TBC1D15: variants seen among roughly 807,000 people sequenced by gnomAD.
TBC1D15 encodes the protein GAP for RAB7.
TBC1D15 carries 39 observed loss-of-function variants against 95.4 expected under a neutral mutation model. The observed-to-expected ratio is 0.41, with a 90% CI of 0.32 to 0.53. The LOEUF (loss-of-function observed/expected upper bound fraction) is 0.53. Among genes scored for constraint, TBC1D15 ranks in the 20% least tolerant of loss-of-function variants. The probability of loss-of-function intolerance (pLI) is 0.29; values close to 1 mark genes in which losing one functional copy is unlikely to be tolerated. For missense variants in TBC1D15, 733 were observed against 794.3 expected (o/e 0.92, Z 0.93); for synonymous variants, 258 against 261.3 (o/e 0.99, Z 0.12).
chr12:71,843,721 T>G (rs1050684933), intron 1 of TBC1D15, among the ~76,000 whole-genome samples: 1 of 152,122 alleles, frequency 6.6e-6, no homozygotes, highest in African/African-American at 2.4e-5. Flanking sequence ...TGATCATGGT[T>G]CATTGCAGCG....
chr12:71,846,888 G>C (rs1311710157), intron 1 of TBC1D15, among the ~76,000 whole-genome samples: 1 of 151,170 alleles, frequency 6.6e-6, no homozygotes, highest in Non-Finnish European at 1.5e-5. Flanking sequence ...AGCCTCCTGA[G>C]TAGCTGGGAC....
rs545093328 is a variant in TBC1D15, at chr12:71,847,964, G to T, written c.30+8153G>T. 1.3e-4 allele frequency among the ~76,000 whole-genome samples: 19 copies of T among 151,944 alleles called. No individual in the cohort carries two copies. The South Asian group carries it at 4.0e-3, about 32-fold the overall frequency. ...AATACAAAACTAGCTGGGCATGGTGGTGCATGCCTGTAATCCCAGCTACTC... is the reference window on the plus strand; with the variant it reads ...AATACAAAACTAGCTGGGCATGGTGTTGCATGCCTGTAATCCCAGCTACTC... On this transcript the variant is annotated intron_variant, in intron 1 of 16. Transcript: ENST00000485960.
At chr12:71,902,806 A>C (rs1899728868) in intron 10 of TBC1D15, among the ~76,000 whole-genome samples, 1 of 152,234 alleles carries the variant, frequency 6.6e-6, no homozygotes, top group South Asian at 2.1e-4. Flanking sequence ...CAGAATGGGG[A>C]AAACATTTGC....
intron 3 of TBC1D15, among the ~76,000 whole-genome samples, chr12:71,874,935 T>C (rs2138358555): frequency 6.7e-6 from 1 of 148,648 alleles, no homozygotes; most frequent in African/African-American, 2.5e-5. Flanking sequence ...GCCCATGTAG[T>C]TATATGTCTT....
chr12:71,855,881 T>G (rs1179220547), intron 1 of TBC1D15, among the ~76,000 whole-genome samples: 1 of 151,752 alleles, frequency 6.6e-6, no homozygotes, highest in African/African-American at 2.4e-5. Flanking sequence ...ACTGGGTTTT[T>G]AAGAGTTTTG....
chr12:71,907,243 T>A (rs1900944863), intron 11 of TBC1D15, 105 bp downstream of exon 11: 3 of 633,526 alleles, frequency 4.7e-6, no homozygotes, highest in Non-Finnish European at 7.6e-6. Flanking sequence ...AGGCCTAGTT[T>A]TAAGAGAATT....
At chr12:71,894,138 T>C (rs912730075) in intron 6 of TBC1D15, among the ~76,000 whole-genome samples, 8 of 151,988 alleles carry the variant, frequency 5.3e-5, no homozygotes, top group African/African-American at 1.9e-4. Flanking sequence ...AGAAAAACCT[T>C]TTGCTGTTTT....
chr12:71,879,844 A>T (rs1565998171), intron 3 of TBC1D15, among the ~76,000 whole-genome samples: 1 of 152,202 alleles, frequency 6.6e-6, no homozygotes, highest in Non-Finnish European at 1.5e-5. Flanking sequence ...TTTTAGAAAG[A>T]TGTTGTAGTT....
chr12:71,891,195 G>T (rs1402631670), intron 5 of TBC1D15, among the ~76,000 whole-genome samples: 1 of 152,028 alleles, frequency 6.6e-6, no homozygotes, highest in East Asian at 1.9e-4. Flanking sequence ...GCTACATTTG[G>T]GTATACAAGC....
chr12:71,846,625 T>A (rs563891750), intron 1 of TBC1D15, among the ~76,000 whole-genome samples: 2 of 151,718 alleles, frequency 1.3e-5, no homozygotes, highest in African/African-American at 4.8e-5. Flanking sequence ...TGATTGTTAA[T>A]TTTTTTTTGA....
chr12:71,912,260 G>A (rs1264019123), intron 11 of TBC1D15, among the ~76,000 whole-genome samples: 1 of 152,072 alleles, frequency 6.6e-6, no homozygotes, highest in African/African-American at 2.4e-5. Flanking sequence ...ATACCTTGTT[G>A]TATGTCACTT....
intron 5 of TBC1D15, among the ~76,000 whole-genome samples, chr12:71,887,203 A>G (rs1896398094): frequency 6.6e-6 from 1 of 152,094 alleles, no homozygotes; most frequent in Non-Finnish European, 1.5e-5. Flanking sequence ...CTTGACTACT[A>G]TTTTTACTTG....
At chr12:71,897,762 T>C (rs553357151) in intron 9 of TBC1D15, 85 bp from the exon 10 acceptor site, 30 of 931,772 alleles carry the variant, frequency 3.2e-5, no homozygotes, top group Admixed American at 6.1e-5. Flanking sequence ...TGCTTTGATA[T>C]ACTGTTTATA....
chr12:71,914,866 T>C (rs7137012), intron 12 of TBC1D15, among the ~76,000 whole-genome samples: 2 of 151,954 alleles, frequency 1.3e-5, no homozygotes, highest in Non-Finnish European at 2.9e-5. Flanking sequence ...CTTTCCCTTT[T>C]GCTTGCCTAT....
chr12:71,909,735 C>A (rs1197863341), intron 11 of TBC1D15, among the ~76,000 whole-genome samples: 1 of 151,924 alleles, frequency 6.6e-6, no homozygotes, highest in Non-Finnish European at 1.5e-5. Flanking sequence ...TCTCGCCTGC[C>A]CCCCACTGCC....
chr12:71,867,727 A>G (rs558530624), intron 1 of TBC1D15, among the ~76,000 whole-genome samples: 25 of 152,286 alleles, frequency 1.6e-4, no homozygotes, highest in Middle Eastern at 3.4e-3. Context: ...GGGCTCAAGC[A>G]GTCCTCTCAT....
chr12:71,865,330 G>GCA (rs1041910709), intron 1 of TBC1D15, among the ~76,000 whole-genome samples: 6 of 152,178 alleles, frequency 3.9e-5, no homozygotes, highest in African/African-American at 1.4e-4. Context: ...GGAGGGCAGG[G>GCA]CACAACACTG....
intron 1 of TBC1D15, among the ~76,000 whole-genome samples, chr12:71,844,978 G>A (rs1307695236): frequency 6.6e-6 from 1 of 152,194 alleles, no homozygotes; most frequent in African/African-American, 2.4e-5. Context: ...TAAGTGGAAT[G>A]GAGAGTAGTT....
chr12:71,861,640 T>G, intron 1 of TBC1D15: 1 of 554,894 alleles, frequency 1.8e-6, no homozygotes, highest in Non-Finnish European at 2.8e-6. Flanking sequence ...TGCCTTTAAC[T>G]AATAAGTCAA....
Sources: allele counts gnomAD v4.1 joint callset (sites outside exome capture counted in the v4.1 genomes callset), GRCh38; gene constraint gnomAD v4.1.1; transcripts MANE v1.5; gene names NCBI Gene and HGNC (gene_info 2026-07-23, HGNC 2026-07-21).